CLNK: variants seen among roughly 807,000 people sequenced by gnomAD.
CLNK encodes the protein cytokine dependent hematopoietic cell linker, also known as cytokine-dependent hematopoietic cell linker.
In CLNK, 74 loss-of-function variants were observed where a neutral mutation model predicts 68.6. The ratio of observed to expected loss-of-function variants is 1.08; its 90% CI spans 0.89 to 1.31. The LOEUF (loss-of-function observed/expected upper bound fraction) is 1.31, where lower values mean the gene tolerates loss of function less well. Ranked by LOEUF, CLNK falls within the 50% of genes most tolerant of loss-of-function variation. The pLI, the probability that CLNK is intolerant of heterozygous loss-of-function variation, is 0.00. For missense variants in CLNK, 553 were observed against 515.3 expected (o/e 1.07, Z -0.71); for synonymous variants, 198 against 172.2 (o/e 1.15, Z -1.17).
At chr4:10,517,124 A>T (rs1324028730) in intron 15 of CLNK, among the ~76,000 whole-genome samples, 1 of 152,182 alleles carries the variant, frequency 6.6e-6, no homozygotes, top group Non-Finnish European at 1.5e-5. Flanking sequence ...AGTTTTTTGT[A>T]TTGTTTGAAA....
At chr4:10,585,013 C>T (rs1301894111) in intron 3 of CLNK, 58 bp from the exon 4 acceptor site, 48 of 1,581,750 alleles carry the variant, frequency 3.0e-5, no homozygotes, top group Admixed American at 2.7e-4. Flanking sequence ...ACCGACCCCC[C>T]GCCACATAGG....
chr4:10,665,426 G>T (rs1033521756), intron 2 of CLNK, among the ~76,000 whole-genome samples: 7 of 152,170 alleles, frequency 4.6e-5, no homozygotes, highest in African/African-American at 1.2e-4. Context: ...AGCACTTTGG[G>T]AGGCCGAGGC....
the CLNK span, among the ~76,000 whole-genome samples, chr4:10,699,459 C>CCTCTCT: frequency 1.6e-4 from 10 of 62,926 alleles, no homozygotes; most frequent in South Asian, 5.3e-4. Context: ...CTATGTACAT[C>CCTCTCT]CTCTCTGTCT....
At chr4:10,509,656 C>T (rs1717479983) in intron 16 of CLNK, among the ~76,000 whole-genome samples, 1 of 152,026 alleles carries the variant, frequency 6.6e-6, no homozygotes, top group Admixed American at 6.6e-5. Flanking sequence ...TCCCAAGTGG[C>T]TGGGATTACA....
At chr4:10,506,920 C>T (rs549255906) in intron 17 of CLNK, among the ~76,000 whole-genome samples, 30 of 152,006 alleles carry the variant, frequency 2.0e-4, no homozygotes, top group Non-Finnish European at 3.7e-4. Context: ...CTGCCTCAGC[C>T]TCCCGAGTAG....
chr4:10,553,689 C>G (rs11938610), intron 8 of CLNK, among the ~76,000 whole-genome samples: 29,478 of 152,124 alleles, frequency 0.19, 2,969 homozygotes, highest in Middle Eastern at 0.27. Context: ...CCTAACCTCA[C>G]GTGATCCGCC....
chr4:10,603,451 C>T (rs1222828725), intron 2 of CLNK, among the ~76,000 whole-genome samples: 1 of 152,210 alleles, frequency 6.6e-6, no homozygotes, highest in Non-Finnish European at 1.5e-5. Context: ...TATCCTCATC[C>T]TGCTGAGTTT....
rs139290197 is a variant in CLNK at position 10,518,969 on chromosome 4, T to C, written c.772+1822A>G. ...GAATGAGTATCGGTTCAGTAGCTGA[T>C]GGAGGAACATTGCAGGGGTGCTTAA... On this transcript the variant is annotated intron_variant, in intron 15 of 18. Coordinates refer to ENST00000226951, the MANE Select transcript of CLNK (RefSeq NM_052964.4). 6.5e-3 allele frequency among the ~76,000 whole-genome samples: 988 copies of C among 152,312 alleles called. 10 individuals are homozygous for C. The highest frequency in any genetic ancestry group is 0.023 in the African/African-American group (937 of 41,554).
At chr4:10,548,375 T>C (rs1386846264) in intron 8 of CLNK, among the ~76,000 whole-genome samples, 1 of 152,218 alleles carries the variant, frequency 6.6e-6, no homozygotes, top group Non-Finnish European at 1.5e-5. Flanking sequence ...TCTTCAGTTG[T>C]ATCAGTTCCT....
At chr4:10,706,915 T>A in the CLNK span, among the ~76,000 whole-genome samples, 22 of 152,126 alleles carry the variant, frequency 1.4e-4, no homozygotes, top group Admixed American at 1.4e-3. Context: ...AAGTTGAACA[T>A]GCCTCATCAG....
intron 3 of CLNK, 37 bp downstream of exon 3, chr4:10,597,941 T>C: frequency 1.4e-6 from 2 of 1,390,456 alleles, no homozygotes; most frequent in Middle Eastern, 2.2e-4. Flanking sequence ...AATTAAAATT[T>C]TCACTCCTCT....
chr4:10,585,228 T>C (rs1256424276), intron 3 of CLNK, among the ~76,000 whole-genome samples: 1 of 152,232 alleles, frequency 6.6e-6, no homozygotes, highest in African/African-American at 2.4e-5. Flanking sequence ...AATAGCTGTA[T>C]ACGTACCTGA....
intron 1 of CLNK, among the ~76,000 whole-genome samples, chr4:10,668,224 G>A (rs144528553): frequency 7.4e-4 from 112 of 152,300 alleles, no homozygotes; most frequent in African/African-American, 2.3e-3. Flanking sequence ...CCGAGGGCAC[G>A]TTAGCCAGGC....
At chr4:10,687,727 GC>G (rs1387003839), upstream of CLNK, among the ~76,000 whole-genome samples, 2 of 152,048 alleles carry the variant, frequency 1.3e-5, no homozygotes, top group Non-Finnish European at 2.9e-5. Flanking sequence ...TCAATCTCAG[GC>G]CAGCTGCAAA....
intron 11 of CLNK, among the ~76,000 whole-genome samples, chr4:10,535,219 G>GAAAGAAAC (rs1380663930): frequency 1.3e-5 from 1 of 76,998 alleles, no homozygotes; most frequent in Non-Finnish European, 2.7e-5. Flanking sequence ...GAAAGAGAAA[G>GAAAGAAAC]AAAGAAAGAA....
rs753382559 is a variant in CLNK, at chr4:10,507,954, A to G, written c.984+5T>C. 3.3e-5 allele frequency: 53 copies of G among 1,599,750 alleles called. No individual in the cohort carries two copies. In the East Asian group the frequency reaches 9.8e-4, roughly 30 times the overall value. On this transcript the variant is annotated splice_donor_5th_base_variant and intron_variant, in intron 17 of 18. Transcript: ENST00000226951. ...AATAATGATGGGCCACGTAGAAGGC[A>G]TTACCTTGTTCTCCTTCATGAATGC...
intron 7 of CLNK, among the ~76,000 whole-genome samples, chr4:10,561,222 T>C (rs1027207496): frequency 2.6e-5 from 4 of 152,166 alleles, no homozygotes; most frequent in Non-Finnish European, 5.9e-5. Flanking sequence ...TTCATCTGAA[T>C]TGAGGCCAAA....
chr4:10,679,432 A>T (rs1353700270), intron 1 of CLNK, among the ~76,000 whole-genome samples: 6 of 152,214 alleles, frequency 3.9e-5, no homozygotes, highest in Admixed American at 1.3e-4. Flanking sequence ...AACCTAGGCA[A>T]TACCATTCAG....
intron 11 of CLNK, among the ~76,000 whole-genome samples, chr4:10,535,235 GA>G (rs1266144983): frequency 6.7e-6 from 1 of 149,908 alleles, no homozygotes. Context: ...AAGAAAGAAA[GA>G]AAGAAAGAAA....
Sources: gnomAD v4.1 joint callset for allele counts (sites outside exome capture counted in the v4.1 genomes callset) on GRCh38, gnomAD v4.1.1 for gene constraint, MANE v1.5 for transcripts, NCBI Gene and HGNC (gene_info 2026-07-23, HGNC 2026-07-21) for gene names.